The following ASPRV1 variants were observed in gnomAD, a reference collection of about 807,000 sequenced individuals.
ASPRV1 encodes the protein aspartic peptidase retroviral like 1, also known as retroviral-like aspartic protease 1.
A neutral mutation model predicts 11.0 loss-of-function variants in ASPRV1; 7 were observed. That is an observed-to-expected ratio of 0.64 (90% CI 0.36 to 1.20). The LOEUF is 1.20. Among genes scored for constraint, ASPRV1 ranks in the 50% most tolerant of loss-of-function variants. The pLI is 0.02. For missense variants in ASPRV1, 299 were observed against 320.0 expected, an observed-to-expected ratio of 0.93 and a Z score of 0.50; for synonymous variants, 136 against 138.4, an observed-to-expected ratio of 0.98 and a Z score of 0.12.
At chr2:69,962,783 G>A (rs1483339280), upstream of ASPRV1, 4 of 172,244 alleles carry the variant, frequency 2.3e-5, no homozygotes, top group Non-Finnish European at 5.1e-5. Flanking sequence ...GTGTGATCTG[G>A]TGGTTTGTTC....
At chr2:69,973,195 G>A in the ASPRV1 span, among the ~76,000 whole-genome samples, 1 of 152,168 alleles carries the variant, frequency 6.6e-6, no homozygotes, top group African/African-American at 2.4e-5. Flanking sequence ...ACTGTAAATT[G>A]CATATGGCCA....
At chr2:70,025,719 C>G in the ASPRV1 span, among the ~76,000 whole-genome samples, 1 of 152,214 alleles carries the variant, frequency 6.6e-6, no homozygotes, top group African/African-American at 2.4e-5. Flanking sequence ...AGCAGATACT[C>G]TCTGTGAACT....
At chr2:70,000,336 C>CCACACACACA in the ASPRV1 span, among the ~76,000 whole-genome samples, 3 of 126,328 alleles carry the variant, frequency 2.4e-5, no homozygotes, top group African/African-American at 9.5e-5. Flanking sequence ...AAAAAAAAAA[C>CCACACACACA]CACACACACA....
downstream of ASPRV1, among the ~76,000 whole-genome samples, chr2:69,957,176 T>C (rs1677958519): frequency 6.6e-6 from 1 of 152,124 alleles, no homozygotes. Flanking sequence ...ATCATGGTTA[T>C]ATAAGAGAAT....
chr2:70,063,503 T>C, the ASPRV1 span, among the ~76,000 whole-genome samples: 6 of 152,236 alleles, frequency 3.9e-5, no homozygotes, highest in South Asian at 6.2e-4. Context: ...TGGGAGGAGG[T>C]AGCCTGAAGA....
At chr2:70,074,155 A>AT in the ASPRV1 span, among the ~76,000 whole-genome samples, 1 of 150,322 alleles carries the variant, frequency 6.7e-6, no homozygotes, top group East Asian at 2.0e-4. Context: ...AAAAAAAAAA[A>AT]AAAAACAGAA....
the ASPRV1 span, among the ~76,000 whole-genome samples, chr2:70,062,542 T>C: frequency 6.6e-5 from 10 of 152,280 alleles, no homozygotes; most frequent in Middle Eastern, 6.8e-3. Flanking sequence ...ACAAGGCTAA[T>C]GAAGAAAGGC....
the ASPRV1 span, among the ~76,000 whole-genome samples, chr2:69,990,305 TC>T: frequency 6.6e-6 from 1 of 152,152 alleles, no homozygotes; most frequent in Non-Finnish European, 1.5e-5. Flanking sequence ...TTCCTCAGCC[TC>T]CCGAGTAGCT....
chr2:69,985,709 A>G, the ASPRV1 span, among the ~76,000 whole-genome samples: 3 of 152,248 alleles, frequency 2.0e-5, no homozygotes, highest in Admixed American at 1.3e-4. Flanking sequence ...GGTCCAGGAT[A>G]GAAAGATGAA....
chr2:69,973,082 GA>G, the ASPRV1 span, among the ~76,000 whole-genome samples: 1 of 152,032 alleles, frequency 6.6e-6, no homozygotes, highest in Non-Finnish European at 1.5e-5. Context: ...GCTCTCTGGG[GA>G]AAATGCATGC....
the ASPRV1 span, among the ~76,000 whole-genome samples, chr2:70,055,246 G>A: frequency 1.3e-5 from 2 of 152,184 alleles, no homozygotes; most frequent in Non-Finnish European, 2.9e-5. Flanking sequence ...GGAGGTTGCA[G>A]TGAGCAGAGA....
the ASPRV1 span, among the ~76,000 whole-genome samples, chr2:69,993,008 G>T: frequency 2.0e-5 from 3 of 152,158 alleles, no homozygotes; most frequent in Non-Finnish European, 1.5e-5. Context: ...GAAATACCTG[G>T]CTTTTCTTTG....
chr2:70,080,771 T>C, the ASPRV1 span: 3 of 152,240 alleles, frequency 2.0e-5, no homozygotes, highest in East Asian at 1.9e-4. Flanking sequence ...AACTGGATAA[T>C]GTAAACATCC....
the ASPRV1 span, among the ~76,000 whole-genome samples, chr2:70,068,154 A>AAC: frequency 6.6e-6 from 1 of 152,228 alleles, no homozygotes; most frequent in Non-Finnish European, 1.5e-5. Context: ...CCAAAATCGC[A>AAC]ACACACACAG....
the ASPRV1 span, among the ~76,000 whole-genome samples, chr2:70,066,828 G>A: frequency 6.6e-6 from 1 of 150,492 alleles, no homozygotes; most frequent in Admixed American, 6.6e-5. Flanking sequence ...GGGCTCAAGC[G>A]ATCCTCCCAC....
chr2:70,045,313 TTGAC>T, the ASPRV1 span: 2 of 152,230 alleles, frequency 1.3e-5, no homozygotes, highest in East Asian at 1.9e-4. Context: ...CATAACTTCT[TTGAC>T]TTTCAGCTTG....
the ASPRV1 span, chr2:70,049,874 A>G: frequency 6.6e-6 from 1 of 152,374 alleles, no homozygotes; most frequent in East Asian, 1.9e-4. Context: ...TATTTCAGAG[A>G]AAGTGATATT....
chr2:70,046,899 A>G, the ASPRV1 span: 2 of 152,178 alleles, frequency 1.3e-5, no homozygotes, highest in African/African-American at 2.4e-5. Context: ...CATTTTCTTT[A>G]TATTTTGCTA....
the ASPRV1 span, among the ~76,000 whole-genome samples, chr2:69,954,153 G>C: frequency 6.6e-6 from 1 of 152,154 alleles, no homozygotes; most frequent in South Asian, 2.1e-4. Context: ...ACCCTGCCCT[G>C]GCTCTCCATT....
Sources: allele counts gnomAD v4.1 joint callset (sites outside exome capture counted in the v4.1 genomes callset), GRCh38; gene constraint gnomAD v4.1.1; transcripts MANE v1.5; gene names NCBI Gene and HGNC (gene_info 2026-07-23, HGNC 2026-07-21).